PCDHA1: variants seen among roughly 807,000 people sequenced by gnomAD.
PCDHA1 encodes the protein protocadherin alpha 1, also known as protocadherin alpha-1.
PCDHA1 carries 42 observed loss-of-function variants against 61.3 expected under a neutral mutation model. That is an observed-to-expected ratio of 0.69 (90% CI 0.54 to 0.89). The LOEUF is 0.89. PCDHA1 is among the 40% of genes least tolerant of loss of function. PCDHA1 has a pLI of 0.00. For synonymous variants in PCDHA1, 610 were observed against 553.8 expected (o/e 1.10, Z -1.43); for missense variants, 1,256 against 1,235.3 (o/e 1.02, Z -0.25).
intron 1 of PCDHA1, among the ~76,000 whole-genome samples, chr5:140,909,973 G>A (rs2074802854): frequency 6.6e-6 from 1 of 152,198 alleles, no homozygotes; most frequent in Admixed American, 6.5e-5. Context: ...GGGGAAGGAT[G>A]GGAGAAAGAC....
chr5:140,982,014 C>A (rs546904836), intron 2 of PCDHA1, among the ~76,000 whole-genome samples: 1 of 152,152 alleles, frequency 6.6e-6, no homozygotes, highest in Admixed American at 6.5e-5. Context: ...AATTAGATAG[C>A]CAAATTGGAA....
chr5:140,787,896 A>AGC lies in PCDHA1; in HGVS notation c.1612_1613dup (p.Asp539GlyfsTer12). 1.2e-6 allele frequency: 2 copies of AGC among 1,613,486 alleles called. No homozygotes were observed. Among genetic ancestry groups the AGC allele is most frequent in the Non-Finnish European group, 1.7e-6 (2 of 1,179,872 alleles). ...GCTGGAGCTGCTGCAGTTCCAGGTG[A>AGC]GCGCGCGGGATGCGGGCGTGCCGCC... is the stretch of plus-strand genomic sequence containing the variant. On this transcript the variant is annotated frameshift_variant, in exon 1 of 4. Coordinates refer to ENST00000504120, the MANE Select transcript of PCDHA1 (RefSeq NM_018900.4). LOFTEE classifies it high-confidence loss of function.
At chr5:140,819,296 T>C (rs1766529850) in intron 1 of PCDHA1, among the ~76,000 whole-genome samples, 1 of 152,178 alleles carries the variant, frequency 6.6e-6, no homozygotes, top group Non-Finnish European at 1.5e-5. Context: ...ATATAGCTTA[T>C]TAAAATTTTA....
intron 1 of PCDHA1, chr5:140,821,985 C>CG: frequency 6.2e-7 from 1 of 1,614,156 alleles, no homozygotes; most frequent in South Asian, 1.1e-5. Context: ...CCAAGGGCCG[C>CG]GGGGACCTTC....
At chr5:140,822,247 G>T (rs1383794948) in intron 1 of PCDHA1, 1 of 1,614,236 alleles carries the variant, frequency 6.2e-7, no homozygotes, top group East Asian at 2.2e-5. Flanking sequence ...GGGCGCGTCG[G>T]ATTTGGATAT....
chr5:140,823,319 A>G, intron 1 of PCDHA1: 10 of 1,612,228 alleles, frequency 6.2e-6, no homozygotes, highest in Non-Finnish European at 7.6e-6. Context: ...GAGAGCGGCA[A>G]GGTGTACGCG....
intron 1 of PCDHA1, chr5:140,854,422 A>G (rs1322655400): frequency 1.3e-5 from 2 of 151,676 alleles, no homozygotes; most frequent in African/African-American, 4.9e-5. Flanking sequence ...AATCTCTAAA[A>G]TCAGAATTTG....
intron 1 of PCDHA1, chr5:140,862,120 A>G (rs898970647): frequency 2.5e-5 from 4 of 161,592 alleles, no homozygotes; most frequent in African/African-American, 7.2e-5. Flanking sequence ...GGATAAATAA[A>G]TGTAAAGATA....
At position 140,849,549 on chromosome 5, in the gene PCDHA1, A is replaced by G. The variant is rs2150440230; in HGVS notation, c.2394+60865A>G. ...AAATGACAATGCTCCACAGTTGACT[A>G]TCAAAACGCTCTCGGTTCCTGTAAA... On this transcript the variant is annotated intron_variant, in intron 1 of 3. Transcript: ENST00000504120. 5 of 1,598,378 alleles carry G rather than the reference A, an allele frequency of 3.1e-6. 1 individual carries two copies. The South Asian group carries it at 3.3e-5, about 11-fold the overall frequency.
chr5:140,929,143 T>C (rs2085863317), intron 1 of PCDHA1: 1 of 1,614,234 alleles, frequency 6.2e-7, no homozygotes, highest in Non-Finnish European at 8.5e-7. Context: ...TGAGAGACTT[T>C]CTCAGACTTA....
At chr5:140,817,446 A>G (rs1170449909) in intron 1 of PCDHA1, 1 of 152,218 alleles carries the variant, frequency 6.6e-6, no homozygotes, top group Non-Finnish European at 1.5e-5. Flanking sequence ...GGATTCCTAT[A>G]ACAGCATCTT....
intron 3 of PCDHA1, among the ~76,000 whole-genome samples, chr5:141,002,270 G>T (rs1304168184): frequency 6.6e-6 from 1 of 152,172 alleles, no homozygotes; most frequent in Non-Finnish European, 1.5e-5. Context: ...CCCAGAGCTG[G>T]TAACAAAGGG....
rs1386349755 is a variant in PCDHA1 at position 140,814,836 on chromosome 5, T to C, written c.2394+26152T>C. The stretch of plus-strand genomic sequence containing the variant: ...GTATTGCTATCTATTTCTCCATTTC[T>C]GTGAATGTTTGCCTCATATATTTAG... On this transcript the variant is annotated intron_variant, in intron 1 of 3. Coordinates refer to ENST00000504120, the MANE Select transcript of PCDHA1 (RefSeq NM_018900.4). 4 of 152,238 alleles carry C rather than the reference T, an allele frequency of 2.6e-5. No individual in the cohort carries two copies. The South Asian group carries it at 8.3e-4, about 32-fold the overall frequency. The allele number at this position is 152,238 out of a possible 1,614,324, so 9.4% of individuals were successfully genotyped here. A position where few individuals can be genotyped will look rare whatever the true frequency, so the allele number is the denominator to read the frequency against.
Position 140,855,963 on chromosome 5 carries a change from A to T in PCDHA1, c.2394+67279A>T, listed in dbSNP as rs1291137660. The stretch of plus-strand genomic sequence containing the variant: ...TCTCAGCCATTTCGATAAAAAATAG[A>T]TATAAGAAATAGGACAGAAAATGTC... On this transcript the variant is annotated intron_variant, in intron 1 of 3. Transcript: ENST00000504120. The T allele has an allele frequency of 2.8e-6, 4 of 1,404,280 alleles. No individual in the cohort carries two copies. In the African/African-American group the frequency reaches 5.7e-5, roughly 20 times the overall value. The allele number at this position is 1,404,280 out of a possible 1,614,324, so 87.0% of individuals were successfully genotyped here. A position where few individuals can be genotyped will look rare whatever the true frequency, so the allele number is the denominator to read the frequency against.
At chr5:140,928,594 GAA>G in intron 1 of PCDHA1, 2 of 1,614,204 alleles carry the variant, frequency 1.2e-6, no homozygotes, top group Non-Finnish European at 1.7e-6. Flanking sequence ...TGTCCCAGTG[GAA>G]ATTGTGCCCC....
At chr5:140,872,850 G>T (rs1439631581) in intron 1 of PCDHA1, among the ~76,000 whole-genome samples, 2 of 152,084 alleles carry the variant, frequency 1.3e-5, no homozygotes, top group African/African-American at 4.8e-5. Context: ...ATATATTAAT[G>T]TGAGTACCTA....
chr5:140,963,072 CAG>C (rs1366711310), intron 1 of PCDHA1, among the ~76,000 whole-genome samples: 5 of 151,824 alleles, frequency 3.3e-5, no homozygotes, highest in African/African-American at 1.2e-4. Flanking sequence ...GTGAAGGAGA[CAG>C]AAATATAAGA....
intron 1 of PCDHA1, chr5:140,834,901 G>T: frequency 6.2e-7 from 1 of 1,600,398 alleles, no homozygotes; most frequent in Non-Finnish European, 8.5e-7. Context: ...TACAGACTGA[G>T]CCCCAATGAG....
At chr5:140,836,457 G>C (rs2150261358) in intron 1 of PCDHA1, 2 of 1,613,694 alleles carry the variant, frequency 1.2e-6, no homozygotes, top group Non-Finnish European at 1.7e-6. Context: ...CCCAGAGACC[G>C]AGCTGGTGGA....
Sources: allele counts gnomAD v4.1 joint callset (sites outside exome capture counted in the v4.1 genomes callset), GRCh38; gene constraint gnomAD v4.1.1; transcripts MANE v1.5; gene names NCBI Gene and HGNC (gene_info 2026-07-23, HGNC 2026-07-21).